The following RORA variants were observed in gnomAD, a reference collection of about 807,000 sequenced individuals.
The protein encoded by RORA is RAR related orphan receptor A.
A neutral mutation model predicts 69.5 loss-of-function variants in RORA; 7 were observed. The observed-to-expected ratio is 0.10, with a 90% confidence interval of 0.06 to 0.19. The LOEUF is 0.19. Ranked by LOEUF, RORA falls within the 10% of genes least tolerant of loss-of-function variation. RORA has a pLI of 1.00. For synonymous variants in RORA, 261 were observed against 240.8 expected (o/e 1.08, Z -0.78); for missense variants, 457 against 663.0 (o/e 0.69, Z 3.41).
intron 10 of RORA, among the ~76,000 whole-genome samples, chr15:60,497,896 C>CT: frequency 6.6e-6 from 1 of 150,938 alleles, no homozygotes; most frequent in African/African-American, 2.4e-5. Context: ...CTGTCTCTAC[C>CT]TAAAAAAAAA....
intron 1 of RORA, among the ~76,000 whole-genome samples, chr15:60,888,461 T>A (rs1351713255): frequency 6.6e-6 from 1 of 152,064 alleles, no homozygotes. Flanking sequence ...CGTGTGCACA[T>A]GCACACACAC....
chr15:61,153,231 C>T (rs1369653598), intron 1 of RORA, among the ~76,000 whole-genome samples: 2 of 152,120 alleles, frequency 1.3e-5, no homozygotes, highest in East Asian at 1.9e-4. Flanking sequence ...TCCAGGAGTT[C>T]GCCCTTAACC....
chr15:61,038,691 T>C (rs1409371023), intron 1 of RORA: 1 of 152,224 alleles, frequency 6.6e-6, no homozygotes, highest in East Asian at 1.9e-4. Context: ...AACAGTCCAA[T>C]CAAAATACAC....
intron 1 of RORA, among the ~76,000 whole-genome samples, chr15:60,756,061 C>T (rs756834644): frequency 1.3e-5 from 2 of 152,190 alleles, no homozygotes; most frequent in Non-Finnish European, 2.9e-5. Flanking sequence ...TCCTAAGTGA[C>T]AGCTCCCAAA....
chr15:60,669,339 TTTTG>T (rs200982896), intron 2 of RORA, among the ~76,000 whole-genome samples: 62,625 of 140,592 alleles, frequency 0.45, 14,199 homozygotes, highest in African/African-American at 0.6. Flanking sequence ...ATAAGCGTTT[TTTTG>T]TTTGTTTGTT....
intron 1 of RORA, among the ~76,000 whole-genome samples, chr15:61,106,895 C>G (rs2078955413): frequency 6.6e-6 from 1 of 152,178 alleles, no homozygotes; most frequent in Non-Finnish European, 1.5e-5. Context: ...ATGGAAAGTG[C>G]CCTTTATGGA....
At chr15:60,747,575 C>T (rs2071666167) in intron 1 of RORA, among the ~76,000 whole-genome samples, 1 of 152,178 alleles carries the variant, frequency 6.6e-6, no homozygotes, top group South Asian at 2.1e-4. Context: ...AAACTTACTA[C>T]CATTTGGACT....
At chr15:60,664,064 A>G (rs912205899) in intron 2 of RORA, among the ~76,000 whole-genome samples, 1 of 152,182 alleles carries the variant, frequency 6.6e-6, no homozygotes, top group Non-Finnish European at 1.5e-5. Context: ...AGGTGAAGCA[A>G]TTTAGGGCAA....
intron 1 of RORA, among the ~76,000 whole-genome samples, chr15:60,906,169 T>C (rs1465628965): frequency 6.6e-6 from 1 of 152,176 alleles, no homozygotes; most frequent in African/African-American, 2.4e-5. Flanking sequence ...TTCTGACAGA[T>C]TAGGCAGCCC....
chr15:61,025,710 T>A (rs1351026865), intron 1 of RORA, among the ~76,000 whole-genome samples: 1 of 152,164 alleles, frequency 6.6e-6, no homozygotes, highest in Non-Finnish European at 1.5e-5. Flanking sequence ...AAATCAAGCT[T>A]ATTAACGTAA....
intron 1 of RORA, among the ~76,000 whole-genome samples, chr15:61,127,227 G>A (rs908585729): frequency 6.6e-6 from 1 of 152,146 alleles, no homozygotes; most frequent in African/African-American, 2.4e-5. Flanking sequence ...TTTTCTCTGA[G>A]TGGAAAGGAC....
At chr15:60,800,929 C>T (rs1031129803) in intron 1 of RORA, among the ~76,000 whole-genome samples, 1 of 152,198 alleles carries the variant, frequency 6.6e-6, no homozygotes, top group Non-Finnish European at 1.5e-5. Context: ...AGGGCAGGGG[C>T]CACGTTGAGC....
chr15:60,949,315 C>T (rs1463738589), intron 1 of RORA, among the ~76,000 whole-genome samples: 3 of 152,034 alleles, frequency 2.0e-5, no homozygotes, highest in Non-Finnish European at 4.4e-5. Context: ...TCTTGCTTGG[C>T]TTCTCAAATC....
intron 1 of RORA, among the ~76,000 whole-genome samples, chr15:60,870,939 ACTCT>A (rs1245454753): frequency 1.3e-5 from 2 of 152,164 alleles, no homozygotes; most frequent in Non-Finnish European, 2.9e-5. Flanking sequence ...CAACTTCTTA[ACTCT>A]CTCAGTTACT....
chr15:60,708,991 G>A (rs1306697761), intron 1 of RORA, among the ~76,000 whole-genome samples: 2 of 152,110 alleles, frequency 1.3e-5, no homozygotes, highest in Admixed American at 6.6e-5. Flanking sequence ...CAAAGAATAC[G>A]TGAGCAGCTA....
At chr15:60,926,641 T>C (rs892977082) in intron 1 of RORA, among the ~76,000 whole-genome samples, 11 of 152,216 alleles carry the variant, frequency 7.2e-5, no homozygotes, top group African/African-American at 2.2e-4. Flanking sequence ...TGCACAAATA[T>C]ATATGCACAT....
At chr15:61,198,085 G>T (rs1427010480) in intron 1 of RORA, among the ~76,000 whole-genome samples, 2 of 152,092 alleles carry the variant, frequency 1.3e-5, no homozygotes, top group Admixed American at 1.3e-4. Flanking sequence ...CAAGTGAGAC[G>T]CTCATCTCAG....
At chr15:60,939,312 T>TG in intron 1 of RORA, among the ~76,000 whole-genome samples, 1 of 152,242 alleles carries the variant, frequency 6.6e-6, no homozygotes, top group African/African-American at 2.4e-5. Flanking sequence ...TCCAACTGTC[T>TG]GGGCCAGCCT....
intron 1 of RORA, among the ~76,000 whole-genome samples, chr15:60,968,330 CAAAACCT>C (rs1219970505): frequency 4.6e-5 from 7 of 152,192 alleles, no homozygotes; most frequent in Admixed American, 2.6e-4. Context: ...ACGCATGCAC[CAAAACCT>C]TGGTGCATTA....
Sources: gnomAD v4.1 joint callset for allele counts (sites outside exome capture counted in the v4.1 genomes callset) on GRCh38, gnomAD v4.1.1 for gene constraint, MANE v1.5 for transcripts, NCBI Gene and HGNC (gene_info 2026-07-23, HGNC 2026-07-21) for gene names.